COLEC12: variants seen among roughly 807,000 people sequenced by gnomAD.
COLEC12 encodes the protein collectin-12.
Under a neutral mutation model 71.1 loss-of-function variants are expected in COLEC12, and 33 were observed. That is an observed-to-expected ratio of 0.46 (90% CI 0.35 to 0.62). The LOEUF is 0.62. Ranked by LOEUF, COLEC12 falls within the 20% of genes least tolerant of loss-of-function variation. COLEC12 has a pLI of 0.00. For missense variants in COLEC12, 765 were observed against 916.1 expected (o/e 0.84, Z 2.13); for synonymous variants, 350 against 353.0 (o/e 0.99, Z 0.10).
chr18:361,459 C>T (rs556455958), intron 2 of COLEC12, among the ~76,000 whole-genome samples: 1 of 152,228 alleles, frequency 6.6e-6, no homozygotes, highest in South Asian at 2.1e-4. Context: ...TATTAAAATA[C>T]CACTGTCCTC....
At chr18:432,250 A>C (rs188767491) in intron 2 of COLEC12, among the ~76,000 whole-genome samples, 158 of 152,346 alleles carry the variant, frequency 1.0e-3, no homozygotes, top group African/African-American at 3.6e-3. Flanking sequence ...TACATTAAGG[A>C]TCTAGCTCTG....
intron 1 of COLEC12, among the ~76,000 whole-genome samples, chr18:497,918 T>A (rs1917743077): frequency 6.6e-6 from 1 of 152,228 alleles, no homozygotes; most frequent in African/African-American, 2.4e-5. Flanking sequence ...AAGCCTCACA[T>A]GCAACTGGTT....
At position 456,880 on chromosome 18, in the gene COLEC12, AG is replaced by A. The variant is rs201917403; in HGVS notation, c.58+23826del. Among the ~76,000 whole-genome samples, 1,511 of 152,286 alleles carry A rather than the reference AG, an allele frequency of 9.9e-3. 22 individuals carry two copies. Among genetic ancestry groups the A allele is most frequent in the African/African-American group, 0.034 (1,421 of 41,550 alleles). ...AAACAAAATCCGGGTGGTAAGGAAG[AG>A]CCAGGCAGGAATGCCTATATACCTG... On this transcript the variant is annotated intron_variant, in intron 2 of 9. Transcript: ENST00000400256.
At chr18:322,502 G>C (rs931536085) in intron 8 of COLEC12, among the ~76,000 whole-genome samples, 1 of 152,164 alleles carries the variant, frequency 6.6e-6, no homozygotes, top group Non-Finnish European at 1.5e-5. Context: ...TTCACATGGG[G>C]CTTCTTAACT....
At chr18:406,278 G>C (rs1406350802) in intron 2 of COLEC12, among the ~76,000 whole-genome samples, 7 of 152,124 alleles carry the variant, frequency 4.6e-5, no homozygotes, top group Non-Finnish European at 1.0e-4. Context: ...GGGAGGCCGA[G>C]GCGGGTGGAT....
chr18:358,946 G>A lies in COLEC12; in HGVS notation c.59-1424C>T, dbSNP rs375927156. ...TATGCAGTCCATTGTTGACTGAAAC[G>A]TTACGTGGCACATGACTGTAGTTTC... On this transcript the variant is annotated intron_variant, in intron 2 of 9. Transcript: ENST00000400256. 5.3e-5 allele frequency among the ~76,000 whole-genome samples: 8 copies of A among 152,170 alleles called. No individual in the cohort carries two copies. In the East Asian group the frequency reaches 9.6e-4, roughly 18 times the overall value.
intron 3 of COLEC12, 23 bp downstream of exon 3, chr18:357,377 G>GAAA (rs769216307): frequency 4.3e-5 from 68 of 1,574,932 alleles, no homozygotes; most frequent in Non-Finnish European, 5.7e-5. Context: ...TTATTTGGAA[G>GAAA]AAAAAAAAGA....
intron 2 of COLEC12, among the ~76,000 whole-genome samples, chr18:377,332 G>C (rs1423547488): frequency 7.2e-5 from 11 of 152,226 alleles, no homozygotes; most frequent in Admixed American, 6.5e-4. Context: ...AGCCCGAGGG[G>C]TCTGATGCCC....
intron 1 of COLEC12, among the ~76,000 whole-genome samples, chr18:495,382 T>C (rs1353738899): frequency 2.6e-5 from 4 of 152,240 alleles, no homozygotes; most frequent in South Asian, 2.1e-4. Context: ...AGTCTGTTCA[T>C]GAAAATGGCA....
At chr18:464,418 C>T (rs965119232) in intron 2 of COLEC12, among the ~76,000 whole-genome samples, 1 of 152,226 alleles carries the variant, frequency 6.6e-6, no homozygotes, top group Non-Finnish European at 1.5e-5. Flanking sequence ...CACTAATGCT[C>T]CTCGTTGCTA....
At chr18:322,515 G>C (rs949026502) in intron 8 of COLEC12, among the ~76,000 whole-genome samples, 1 of 152,088 alleles carries the variant, frequency 6.6e-6, no homozygotes, top group Non-Finnish European at 1.5e-5. Context: ...TCTTAACTTG[G>C]ATGCTGCTGC....
intron 2 of COLEC12, among the ~76,000 whole-genome samples, chr18:435,951 T>C (rs2846643): frequency 0.87 from 132,971 of 152,212 alleles, 58,927 homozygotes; most frequent in East Asian, 1. Context: ...CCTTAATAAC[T>C]GTTCACCTTT....
intron 2 of COLEC12, among the ~76,000 whole-genome samples, chr18:455,278 C>CT (rs33915278): frequency 0.052 from 6,824 of 132,438 alleles, 243 homozygotes; most frequent in South Asian, 0.072. Flanking sequence ...TTATTTTACG[C>CT]TTTTTTTTTT....
intron 2 of COLEC12, among the ~76,000 whole-genome samples, chr18:459,431 T>G (rs1916934819): frequency 6.6e-6 from 1 of 152,212 alleles, no homozygotes; most frequent in Non-Finnish European, 1.5e-5. Flanking sequence ...AGAGTTAGCA[T>G]GCACAATGTC....
chr18:413,472 T>C (rs1329701850), intron 2 of COLEC12, among the ~76,000 whole-genome samples: 1 of 151,626 alleles, frequency 6.6e-6, no homozygotes, highest in Non-Finnish European at 1.5e-5. Flanking sequence ...ACAATGGCTA[T>C]ATGACTCAGC....
intron 3 of COLEC12, 128 bp from the exon 4 acceptor site, chr18:348,291 C>G (rs368488425): frequency 3.6e-6 from 2 of 561,710 alleles, no homozygotes; most frequent in Middle Eastern, 4.7e-4. Flanking sequence ...TAACTGAAAT[C>G]AAATATAGGA....
At chr18:446,975 T>C (rs1415125481) in intron 2 of COLEC12, among the ~76,000 whole-genome samples, 1 of 152,204 alleles carries the variant, frequency 6.6e-6, no homozygotes, top group Non-Finnish European at 1.5e-5. Flanking sequence ...CCTGAACAGT[T>C]ATCCTTGATC....
At chr18:424,319 A>T (rs1916156462) in intron 2 of COLEC12, 1 of 152,136 alleles carries the variant, frequency 6.6e-6, no homozygotes, top group South Asian at 2.1e-4. Flanking sequence ...GCTCACATTA[A>T]CACTAAGCAG....
chr18:469,430 G>A (rs950379617), intron 2 of COLEC12, among the ~76,000 whole-genome samples: 4 of 152,180 alleles, frequency 2.6e-5, no homozygotes, highest in Non-Finnish European at 4.4e-5. Flanking sequence ...AAAAGGCCAC[G>A]TCTCTCCTCT....
Sources: allele counts gnomAD v4.1 joint callset (sites outside exome capture counted in the v4.1 genomes callset), GRCh38; gene constraint gnomAD v4.1.1; transcripts MANE v1.5; gene names NCBI Gene and HGNC (gene_info 2026-07-23, HGNC 2026-07-21).